RPN1: variants seen among roughly 807,000 people sequenced by gnomAD.
The protein encoded by RPN1 is dolichyl-diphosphooligosaccharide--protein glycosyltransferase subunit 1.
A neutral mutation model predicts 55.5 loss-of-function variants in RPN1; 12 were observed. That is an observed-to-expected ratio of 0.22 (90% CI 0.14 to 0.35). The LOEUF (loss-of-function observed/expected upper bound fraction) is 0.35, where lower values mean the gene tolerates loss of function less well. Among genes scored for constraint, RPN1 ranks in the 10% least tolerant of loss-of-function variants. RPN1 has a pLI of 1.00. For synonymous variants in RPN1, 317 were observed against 305.9 expected (o/e 1.04, Z -0.38); for missense variants, 679 against 761.3 (o/e 0.89, Z 1.27).
At chr3:128,629,553 T>G (rs2069626664) in intron 5 of RPN1, among the ~76,000 whole-genome samples, 3 of 152,124 alleles carry the variant, frequency 2.0e-5, no homozygotes. Flanking sequence ...AAGAGTGAGA[T>G]TCCGTCTCAA....
intron 3 of RPN1, among the ~76,000 whole-genome samples, chr3:128,635,073 A>G (rs1014009757): frequency 2.0e-5 from 3 of 152,066 alleles, no homozygotes; most frequent in Non-Finnish European, 4.4e-5. Flanking sequence ...GGCCCTGGGC[A>G]CTCTGCAACC....
At chr3:128,650,345 G>C (rs894919989) in intron 1 of RPN1, among the ~76,000 whole-genome samples, 195 bp downstream of exon 1, 1 of 152,154 alleles carries the variant, frequency 6.6e-6, no homozygotes, top group African/African-American at 2.4e-5. Flanking sequence ...GGGGGCAGCG[G>C]AGGCGCCGGG....
intron 2 of RPN1, among the ~76,000 whole-genome samples, chr3:128,638,745 T>A (rs1017847128): frequency 2.6e-5 from 4 of 151,710 alleles, no homozygotes; most frequent in Non-Finnish European, 5.9e-5. Context: ...TCAGGTGAAT[T>A]TCCTGAGGTC....
chr3:128,644,902 ATTGT>A lies in RPN1; in HGVS notation c.326+13_326+16del. The A allele has an allele frequency of 7.2e-7, 1 of 1,383,284 alleles. No homozygotes were observed. The highest frequency in any genetic ancestry group is 1.0e-6 in the Non-Finnish European group (1 of 969,450). 85.7% of individuals were successfully genotyped at this position (1,383,284 alleles called of 1,614,324 possible). On this transcript the variant is annotated intron_variant, in intron 2 of 9. Transcript: ENST00000296255. ...TAACCTTTAACAAGAGACAAGGTAT[ATTGT>A]TTGTCAGCTTACCTTTTACCCTTAA...
chr3:128,622,060 C>G, intron 9 of RPN1, 104 bp downstream of exon 9: 1 of 1,144,110 alleles, frequency 8.7e-7, no homozygotes, highest in Non-Finnish European at 1.3e-6. Context: ...TCTTATCCCA[C>G]AAGCATGCAG....
chr3:128,626,803 C>T lies in RPN1; in HGVS notation c.1066G>A (p.Val356Met), dbSNP rs553124011. 2.0e-5 allele frequency: 32 copies of T among 1,614,128 alleles called. No individual in the cohort carries two copies. In the South Asian group the frequency reaches 2.5e-4, roughly 13 times the overall value. The change falls in exon 6 of 10, where the codon GTG (valine) becomes ATG (methionine). Residue 356 changes from valine to methionine, a missense_variant. Around this residue, in one of 3 missense-constraint regions of RPN1, gnomAD observed 306 missense variants for 360.0 expected, o/e 0.85. Transcript: ENST00000296255. ...GDQYALKMRF[V>M]DHVFDEQVID... ...ACTTGTTCATCAAACACATGGTCCACAAACCTCATCTTCAGTGCATACTGG... is the reference window on the plus strand; with the variant it reads ...ACTTGTTCATCAAACACATGGTCCATAAACCTCATCTTCAGTGCATACTGG...
At chr3:128,639,676 C>T (rs1008385308) in intron 2 of RPN1, among the ~76,000 whole-genome samples, 5 of 151,878 alleles carry the variant, frequency 3.3e-5, no homozygotes, top group African/African-American at 1.2e-4. Context: ...CAACCTCCGC[C>T]TGCTGGGTTC....
chr3:128,650,430 G>T, intron 1 of RPN1, 110 bp downstream of exon 1: 1 of 1,151,740 alleles, frequency 8.7e-7, no homozygotes, highest in Non-Finnish European at 1.2e-6. Context: ...CCGCCGCCCG[G>T]GTCTCCGCAT....
intron 2 of RPN1, among the ~76,000 whole-genome samples, chr3:128,643,591 T>C (rs182029499): frequency 1.3e-5 from 2 of 151,546 alleles, no homozygotes; most frequent in African/African-American, 2.4e-5. Flanking sequence ...AGGTCAGGAG[T>C]TCAAGACCAG....
chr3:128,627,638 G>A (rs573412230), intron 5 of RPN1, among the ~76,000 whole-genome samples: 2 of 151,860 alleles, frequency 1.3e-5, no homozygotes, highest in Non-Finnish European at 2.9e-5. Context: ...AGGTGTGGTG[G>A]CACATGCCTG....
intron 4 of RPN1, 88 bp downstream of exon 4, chr3:128,631,860 A>T: frequency 7.1e-7 from 1 of 1,418,308 alleles, no homozygotes; most frequent in South Asian, 1.2e-5. Context: ...ACAACTGCCT[A>T]AATATTTAGC....
intron 2 of RPN1, 155 bp downstream of exon 2, chr3:128,644,764 G>C (rs1051574023): frequency 1.5e-6 from 1 of 647,108 alleles, no homozygotes; most frequent in Non-Finnish European, 2.8e-6. Flanking sequence ...TTCAAGACCA[G>C]CCTGGGCAAC....
chr3:128,626,265 C>G (rs1025933706), intron 6 of RPN1, among the ~76,000 whole-genome samples: 21 of 152,296 alleles, frequency 1.4e-4, no homozygotes, highest in African/African-American at 5.1e-4. Flanking sequence ...CTCCCAAGTT[C>G]TCACCAGTAC....
intron 1 of RPN1, among the ~76,000 whole-genome samples, chr3:128,647,444 C>A (rs927920366): frequency 5.9e-5 from 9 of 152,076 alleles, no homozygotes; most frequent in African/African-American, 2.2e-4. Flanking sequence ...CACCTGTAAT[C>A]CCAACACTTT....
chr3:128,633,015 T>A (rs1272164641), intron 3 of RPN1, among the ~76,000 whole-genome samples: 1 of 152,228 alleles, frequency 6.6e-6, no homozygotes, highest in East Asian at 1.9e-4. Flanking sequence ...TGTTAGCTCT[T>A]ACAACTAGTT....
intron 1 of RPN1, among the ~76,000 whole-genome samples, chr3:128,647,326 C>G (rs1053370338): frequency 6.6e-6 from 1 of 152,122 alleles, no homozygotes; most frequent in Non-Finnish European, 1.5e-5. Flanking sequence ...AACAATCATA[C>G]AATCATCCTC....
chr3:128,641,481 G>A lies in RPN1; in HGVS notation c.327-3376C>T, dbSNP rs138215064. 4.7e-3 allele frequency among the ~76,000 whole-genome samples: 713 copies of A among 151,826 alleles called. 10 individuals are homozygous for A. Among genetic ancestry groups the A allele is most frequent in the African/African-American group, 0.016 (674 of 41,378 alleles). On this transcript the variant is annotated intron_variant, in intron 2 of 9. Transcript: ENST00000296255. Reference sequence around the variant, plus strand: ...ACACACCATGAAATGTCAACCCTCCGTATCTTTACAGATATCTCTGCCTGA... The same window carrying A: ...ACACACCATGAAATGTCAACCCTCCATATCTTTACAGATATCTCTGCCTGA...
intron 2 of RPN1, among the ~76,000 whole-genome samples, chr3:128,643,249 C>T (rs1489644729): frequency 6.6e-6 from 1 of 151,434 alleles, no homozygotes; most frequent in African/African-American, 2.4e-5. Flanking sequence ...ATCGCTTGAA[C>T]CTAGGAGGCT....
intron 2 of RPN1, chr3:128,644,685 G>A (rs1266873260): frequency 1.4e-5 from 9 of 646,340 alleles, no homozygotes; most frequent in East Asian, 3.0e-5. Flanking sequence ...TAGGACAGAT[G>A]CAGTGGTTCA....
Sources: allele counts gnomAD v4.1 joint callset (sites outside exome capture counted in the v4.1 genomes callset), GRCh38; gene constraint gnomAD v4.1.1; regional missense constraint gnomAD v4.1.1; transcripts MANE v1.5; gene names NCBI Gene and HGNC (gene_info 2026-07-23, HGNC 2026-07-21).